ZNF398: variants seen among roughly 807,000 people sequenced by gnomAD.
ZNF398 encodes the protein zinc finger protein 398, also known as zinc finger DNA binding protein ZER6.
Under a neutral mutation model 41.9 loss-of-function variants are expected in ZNF398, and 18 were observed. The observed-to-expected ratio is 0.43, with a 90% confidence interval of 0.30 to 0.64. The LOEUF is 0.64. Ranked by LOEUF, ZNF398 falls within the 30% of genes least tolerant of loss-of-function variation. ZNF398 has a pLI of 0.14. For synonymous variants in ZNF398, 260 were observed against 308.8 expected (o/e 0.84, Z 1.66); for missense variants, 669 against 822.8 (o/e 0.81, Z 2.29).
rs140589631 is a variant in ZNF398, at chr7:149,131,795, T to C, written c.-490+2851T>C. Among the ~76,000 whole-genome samples, 39 of 152,322 alleles carry C rather than the reference T, an allele frequency of 2.6e-4. 1 individual carries two copies. In the East Asian group the frequency reaches 7.1e-3, roughly 28 times the overall value. On this transcript the variant is annotated intron_variant, in intron 2 of 6. Coordinates refer to the ZNF398 transcript ENST00000426851. Reference sequence around the variant, plus strand: ...TAAAAATATATATTTTACTTAGCATTTCTATTGAATTTGAAGTAGCGGGGA... The same window carrying C: ...TAAAAATATATATTTTACTTAGCATCTCTATTGAATTTGAAGTAGCGGGGA...
intron 2 of ZNF398, among the ~76,000 whole-genome samples, chr7:149,135,408 AAAAG>A (rs1300336798): frequency 1.3e-4 from 19 of 148,790 alleles, no homozygotes; most frequent in South Asian, 1.3e-3. Flanking sequence ...AAAAAAAAAA[AAAAG>A]AAAGAAAGAA....
chr7:149,143,054 G>T (rs1165323193), upstream of ZNF398, among the ~76,000 whole-genome samples: 1 of 152,046 alleles, frequency 6.6e-6, no homozygotes, highest in Admixed American at 6.6e-5. Context: ...CCAGGCTCAG[G>T]TGATTCTCCC....
At chr7:149,131,677 ACT>A (rs748854418) in intron 2 of ZNF398, among the ~76,000 whole-genome samples, 2 of 152,146 alleles carry the variant, frequency 1.3e-5, no homozygotes, top group Non-Finnish European at 2.9e-5. Flanking sequence ...CAAGAGTGAG[ACT>A]CTGCCTCAAA....
At chr7:149,167,494 G>C (rs1345106304) in intron 4 of ZNF398, among the ~76,000 whole-genome samples, 1 of 152,136 alleles carries the variant, frequency 6.6e-6, no homozygotes, top group East Asian at 1.9e-4. Context: ...TCACCTTGCT[G>C]TCAGAAAATT....
intron 1 of ZNF398, among the ~76,000 whole-genome samples, chr7:149,126,919 A>G (rs1259175077): frequency 6.6e-6 from 1 of 151,882 alleles, no homozygotes; most frequent in Non-Finnish European, 1.5e-5. Context: ...GAGCGTCCAC[A>G]CTCCCTCCTT....
chr7:149,166,417 A>G (rs2129521156), intron 3 of ZNF398, 133 bp downstream of exon 3: 3 of 1,057,198 alleles, frequency 2.8e-6, no homozygotes, highest in East Asian at 5.0e-5. Context: ...AAGCCAAAAT[A>G]TGACCAATTA....
chr7:149,168,802 G>A (rs997761136), intron 4 of ZNF398, among the ~76,000 whole-genome samples: 6 of 151,836 alleles, frequency 4.0e-5, no homozygotes, highest in Admixed American at 2.0e-4. Context: ...TGATCCACCC[G>A]CCTTGGCTTC....
At chr7:149,137,687 A>G (rs1037647053) in intron 2 of ZNF398, among the ~76,000 whole-genome samples, 24 of 152,018 alleles carry the variant, frequency 1.6e-4, no homozygotes, top group African/African-American at 5.6e-4. Flanking sequence ...GCATGTAGAT[A>G]CTTTTTATCA....
At position 149,178,909 on chromosome 7, in the gene ZNF398, A is replaced by G; in HGVS notation, c.1037A>G (p.His346Arg). The change falls in exon 6 of 6, where the codon CAC becomes CGC. Residue 346 changes from histidine (H) to arginine (R), a missense_variant. Physicochemically the swap from His to Arg is conservative, Grantham distance 29. This residue lies in a region of ZNF398 where 290 missense variants were observed against 292.9 expected (regional missense o/e 0.99). Coordinates refer to ENST00000475153, the MANE Select transcript of ZNF398 (RefSeq NM_170686.3). Reference sequence around the variant, plus strand: ...GTTGGCGAGCAGGTGTTCTCATGCCACCACTGTGGCAAGAATCTCAGCCAA... The same window carrying G: ...GTTGGCGAGCAGGTGTTCTCATGCCGCCACTGTGGCAAGAATCTCAGCCAA... ...PPVGEQVFSC[H>R]HCGKNLSQDM... The G allele has an allele frequency of 1.9e-6, 3 of 1,614,128 alleles. No homozygotes were observed. The highest frequency in any genetic ancestry group is 1.7e-6 in the Non-Finnish European group (2 of 1,180,006).
intron 2 of ZNF398, among the ~76,000 whole-genome samples, chr7:149,139,433 T>G (rs1324419026): frequency 6.6e-6 from 1 of 152,104 alleles, no homozygotes; most frequent in Non-Finnish European, 1.5e-5. Context: ...GTATTAAATC[T>G]AATGATGTGC....
At chr7:149,160,347 T>C (rs1008311715) in intron 2 of ZNF398, among the ~76,000 whole-genome samples, 5 of 152,030 alleles carry the variant, frequency 3.3e-5, no homozygotes, top group South Asian at 2.1e-4. Context: ...AGGAGAATGG[T>C]GTGAACCTGG....
Position 149,166,234 on chromosome 7 carries a change from A to C in ZNF398, c.497A>C (p.Glu166Ala). 1 of 1,614,138 alleles carries C rather than the reference A, an allele frequency of 6.2e-7. No homozygotes were observed. The highest frequency in any genetic ancestry group is 8.5e-7 in the Non-Finnish European group (1 of 1,179,998). ...GAAAAATTAGAAGAATGGCAAAAGG[A>C]ACTTTACAAGAATATCATGAAGGGC... Reference protein sequence around the residue: ...EWEKLEEWQKELYKNIMKGNY... With the variant: ...EWEKLEEWQKALYKNIMKGNY... Residue 166 changes from glutamate (E) to alanine (A), a missense_variant, in exon 3 of 6, where the codon GAA becomes GCA. Glu to Ala is a moderately radical substitution (Grantham distance 107). This residue lies in a region of ZNF398 where 169 missense variants were observed against 239.5 expected (regional missense o/e 0.71). Transcript: ENST00000475153.
rs1439997447 is a variant in ZNF398 at position 149,166,230 on chromosome 7, A to C, written c.493A>C (p.Lys165Gln). 6.2e-7 allele frequency: 1 copy of C among 1,614,148 alleles called. No individual in the cohort carries two copies. The highest frequency in any genetic ancestry group is 8.5e-7 in the Non-Finnish European group (1 of 1,180,018). Residue 165 changes from lysine to glutamine, a missense_variant, in exon 3 of 6, where the codon AAG becomes CAG. Physicochemically the swap from Lys to Gln is moderately conservative, Grantham distance 53. Coordinates refer to ENST00000475153, the MANE Select transcript of ZNF398 (RefSeq NM_170686.3). ...GTGGGAAAAATTAGAAGAATGGCAAAAGGAACTTTACAAGAATATCATGAA... is the reference window on the plus strand; with the variant it reads ...GTGGGAAAAATTAGAAGAATGGCAACAGGAACTTTACAAGAATATCATGAA... ...PEWEKLEEWQKELYKNIMKGN... is the reference protein window; with the variant it reads ...PEWEKLEEWQQELYKNIMKGN...
chr7:149,140,378 C>T (rs1225340968), intron 2 of ZNF398, among the ~76,000 whole-genome samples: 1 of 152,044 alleles, frequency 6.6e-6, no homozygotes, highest in African/African-American at 2.4e-5. Flanking sequence ...GCATTCATAA[C>T]AGTACATAAA....
chr7:149,143,460 T>C (rs998856576), upstream of ZNF398, among the ~76,000 whole-genome samples: 4 of 152,174 alleles, frequency 2.6e-5, no homozygotes, highest in Admixed American at 2.6e-4. Context: ...ATGCTGAAAT[T>C]GGTGTGCATA....
In ZNF398 at chr7:149,141,460, T is replaced by TC. The variant is rs989631995; in HGVS notation, c.-489-12485_-489-12484insC. On this transcript the variant is annotated intron_variant, in intron 2 of 6. Transcript: ENST00000426851. ...ACAGCTACTTTTCTTTTTTTTCTTT[T>TC]TTTTTTTTTTTTGAGACGGAGTCTC... Among the ~76,000 whole-genome samples the TC allele has an allele frequency of 1.9e-4, 26 of 138,970 alleles. 1 individual carries two copies. Among genetic ancestry groups the TC allele is most frequent in the African/African-American group, 6.3e-4 (25 of 39,712 alleles). 91.2% of individuals were successfully genotyped at this position (138,970 alleles called of 152,430 possible).
In ZNF398 at chr7:149,179,263, T is replaced by C; in HGVS notation, c.1391T>C (p.Phe464Ser). The C allele has an allele frequency of 9.9e-6, 16 of 1,613,194 alleles. No homozygotes were observed. The highest frequency in any genetic ancestry group is 1.4e-5 in the Non-Finnish European group (16 of 1,179,974). Residue 464 changes from phenylalanine (F) to serine (S), a missense_variant, in exon 6 of 6, where the codon TTC becomes TCC. Phe to Ser is a radical substitution (Grantham distance 155, BLOSUM62 -2). Around this residue, in one of 3 missense-constraint regions of ZNF398, gnomAD observed 210 missense variants for 290.4 expected, o/e 0.72. Coordinates refer to ENST00000475153, the MANE Select transcript of ZNF398 (RefSeq NM_170686.3). This position sits in a 1 kb window ranked among gnomAD's most constrained non-coding sequence, Gnocchi z 6.1. ...CGCTGTGCCCAGTGCGGCAGGAGCT[T>C]CAGCTTGAAAATCAGCCTCCTGCTC... ...PFRCAQCGRS[F>S]SLKISLLLHQ...
intron 2 of ZNF398, among the ~76,000 whole-genome samples, chr7:149,164,273 G>C (rs1443449249): frequency 1.3e-5 from 2 of 151,796 alleles, no homozygotes; most frequent in Non-Finnish European, 2.9e-5. Context: ...CGGGCGTGGT[G>C]GTGGGCGCCT....
intron 4 of ZNF398, among the ~76,000 whole-genome samples, chr7:149,169,661 G>A (rs886131043): frequency 2.6e-5 from 4 of 151,934 alleles, no homozygotes; most frequent in East Asian, 1.9e-4. Flanking sequence ...CATGTTGCCC[G>A]GGCTGGTTTT....
Sources: gnomAD v4.1 joint callset for allele counts (sites outside exome capture counted in the v4.1 genomes callset) on GRCh38, gnomAD v4.1.1 for gene constraint, gnomAD v4.1.1 regional missense constraint, Gnocchi (gnomAD v3.1) non-coding constraint, MANE v1.5 for transcripts, NCBI Gene and HGNC (gene_info 2026-07-23, HGNC 2026-07-21) for gene names.